The following ZNF385D variants were observed in gnomAD, a reference collection of about 807,000 sequenced individuals.
ZNF385D encodes zinc finger protein 659.
In ZNF385D, 15 loss-of-function variants were observed where a neutral mutation model predicts 35.8. That is an observed-to-expected ratio of 0.42 (90% CI 0.28 to 0.64). The LOEUF (loss-of-function observed/expected upper bound fraction) is 0.64. Among genes scored for constraint, ZNF385D ranks in the 30% least tolerant of loss-of-function variants. The pLI is 0.23. For missense variants in ZNF385D, 474 were observed against 494.6 expected (o/e 0.96, Z 0.39); for synonymous variants, 212 against 186.8 (o/e 1.13, Z -1.10).
At chr3:22,239,983 T>G (rs1449485097) in intron 2 of ZNF385D, among the ~76,000 whole-genome samples, 1 of 148,974 alleles carries the variant, frequency 6.7e-6, no homozygotes, top group Non-Finnish European at 1.5e-5. Flanking sequence ...TCAAAATCAG[T>G]CTGGGCAACA....
intron 3 of ZNF385D, among the ~76,000 whole-genome samples, chr3:22,085,766 G>A (rs2125591622): frequency 6.6e-6 from 1 of 152,222 alleles, no homozygotes; most frequent in East Asian, 1.9e-4. Context: ...GAAACTTTCA[G>A]GCCAATATTC....
chr3:21,524,130 G>C (rs1452237251), intron 3 of ZNF385D, among the ~76,000 whole-genome samples: 1 of 152,136 alleles, frequency 6.6e-6, no homozygotes, highest in Non-Finnish European at 1.5e-5. Flanking sequence ...CAAGGTTTGG[G>C]GGAAGAGCAT....
intron 3 of ZNF385D, among the ~76,000 whole-genome samples, chr3:21,768,961 TCA>T (rs1377521826): frequency 2.0e-5 from 3 of 152,010 alleles, no homozygotes; most frequent in South Asian, 4.1e-4. Flanking sequence ...CCAGGGAAAG[TCA>T]CAGGCTCAGG....
intron 3 of ZNF385D, among the ~76,000 whole-genome samples, chr3:22,140,453 A>C (rs183252734): frequency 2.2e-4 from 33 of 152,296 alleles, no homozygotes; most frequent in African/African-American, 7.9e-4. Flanking sequence ...TTAGGAGTAG[A>C]GCAATTGTGT....
At chr3:22,143,285 C>A (rs1337558120) in intron 3 of ZNF385D, among the ~76,000 whole-genome samples, 1 of 152,024 alleles carries the variant, frequency 6.6e-6, no homozygotes, top group Non-Finnish European at 1.5e-5. Flanking sequence ...GGGGTTTCAC[C>A]GTGTTAGCCA....
chr3:22,356,582 GA>G (rs1291836845), intron 2 of ZNF385D, among the ~76,000 whole-genome samples: 1 of 151,916 alleles, frequency 6.6e-6, no homozygotes, highest in African/African-American at 2.4e-5. Context: ...TTACAGCTAA[GA>G]TTTCAAGGAA....
chr3:21,888,406 G>C (rs192266174), intron 3 of ZNF385D, among the ~76,000 whole-genome samples: 1 of 152,240 alleles, frequency 6.6e-6, no homozygotes, highest in African/African-American at 2.4e-5. Flanking sequence ...GGAGGAAGAA[G>C]AACCATTGGG....
At position 21,867,846 on chromosome 3, in the gene ZNF385D, G is replaced by C. The variant is rs118112780; in HGVS notation, c.326-202818C>G. On this transcript the variant is annotated intron_variant, in intron 3 of 5. Coordinates refer to the ZNF385D transcript ENST00000494108. ...AGATGATAGAAATGTTCTCTATCTA[G>C]TCACATGTCACTCTTGAACACTTAA... Among the ~76,000 whole-genome samples the C allele has an allele frequency of 1.4e-4, 21 of 151,994 alleles. 1 individual carries two copies. The East Asian group carries it at 3.9e-3, about 28-fold the overall frequency.
At chr3:22,317,602 C>T (rs1309344180) in intron 2 of ZNF385D, among the ~76,000 whole-genome samples, 1 of 152,112 alleles carries the variant, frequency 6.6e-6, no homozygotes, top group African/African-American at 2.4e-5. Context: ...AATTTACTGA[C>T]CCTCAAAATA....
chr3:21,923,009 G>A (rs1700548471), intron 3 of ZNF385D, among the ~76,000 whole-genome samples: 1 of 150,852 alleles, frequency 6.6e-6, no homozygotes, highest in Admixed American at 6.6e-5. Flanking sequence ...GGACATACAA[G>A]TGGCCAACAA....
At chr3:22,129,112 G>A (rs1210068933) in intron 3 of ZNF385D, among the ~76,000 whole-genome samples, 1 of 152,152 alleles carries the variant, frequency 6.6e-6, no homozygotes, top group African/African-American at 2.4e-5. Flanking sequence ...GTGGTCTTGG[G>A]TAAGATCCAG....
chr3:22,008,360 C>CATTTTTTTTTTTTTTTT lies in ZNF385D; in HGVS notation c.325+160456_325+160457insAAAAAAAAAAAAAAAAT, dbSNP rs773952386. Among the ~76,000 whole-genome samples, 27 of 131,944 alleles carry CATTTTTTTTTTTTTTTT rather than the reference C, an allele frequency of 2.0e-4. 10 individuals carry two copies. Among genetic ancestry groups the CATTTTTTTTTTTTTTTT allele is most frequent in the African/African-American group, 2.7e-4 (9 of 33,126 alleles). The allele number at this position is 131,944 out of a possible 152,430, so 86.6% of individuals were successfully genotyped here. On this transcript the variant is annotated intron_variant, in intron 3 of 5. Transcript: ENST00000494108. Reference sequence around the variant, plus strand: ...TCACTTTCATACAGGCCATGATTTTCTTTTTTTTTTTTGAGGCGGAGTCTC... The same window carrying CATTTTTTTTTTTTTTTT: ...TCACTTTCATACAGGCCATGATTTTCATTTTTTTTTTTTTTTTTTTTTTTTTTTTGAGGCGGAGTCTC...
At chr3:21,675,882 G>A (rs2066709218) in intron 1 of ZNF385D, among the ~76,000 whole-genome samples, 1 of 151,974 alleles carries the variant, frequency 6.6e-6, no homozygotes, top group South Asian at 2.1e-4. Flanking sequence ...TGCCTGCATA[G>A]TTTAGAAGAA....
intron 3 of ZNF385D, among the ~76,000 whole-genome samples, chr3:22,105,732 G>T (rs1702177884): frequency 6.6e-6 from 1 of 152,044 alleles, no homozygotes; most frequent in South Asian, 2.1e-4. Context: ...CTCAATGATT[G>T]GGTGATGCCT....
intron 3 of ZNF385D, among the ~76,000 whole-genome samples, chr3:21,859,729 A>G (rs747691304): frequency 6.6e-6 from 1 of 151,616 alleles, no homozygotes; most frequent in Non-Finnish European, 1.5e-5. Context: ...GAATTGAAAG[A>G]TAAGAAAAAT....
chr3:21,762,740 G>C (rs1193283836), intron 3 of ZNF385D, among the ~76,000 whole-genome samples: 2 of 152,274 alleles, frequency 1.3e-5, no homozygotes. Flanking sequence ...TATCATCTCA[G>C]CTGTGGAGAG....
chr3:21,438,892 G>C (rs1159347863), intron 4 of ZNF385D, among the ~76,000 whole-genome samples: 2 of 152,090 alleles, frequency 1.3e-5, no homozygotes, highest in East Asian at 1.9e-4. Context: ...GTTTTTATTT[G>C]CCTGTTAATG....
At chr3:21,954,743 G>C (rs1381490438) in intron 3 of ZNF385D, among the ~76,000 whole-genome samples, 1 of 151,916 alleles carries the variant, frequency 6.6e-6, no homozygotes, top group Non-Finnish European at 1.5e-5. Flanking sequence ...GTTCCTGTTG[G>C]ACTCAAAACA....
chr3:22,206,576 A>G (rs1386807752), intron 2 of ZNF385D, among the ~76,000 whole-genome samples: 1 of 152,008 alleles, frequency 6.6e-6, no homozygotes, highest in African/African-American at 2.4e-5. Context: ...AATTTCAAGT[A>G]TCTTCTCTGA....
Sources: gnomAD v4.1 joint callset for allele counts (sites outside exome capture counted in the v4.1 genomes callset) on GRCh38, gnomAD v4.1.1 for gene constraint, MANE v1.5 for transcripts, NCBI Gene and HGNC (gene_info 2026-07-23, HGNC 2026-07-21) for gene names.